The following BRINP3 variants were observed in gnomAD, a reference collection of about 807,000 sequenced individuals.
The protein encoded by BRINP3 is BMP/retinoic acid inducible neural specific 3, also known as BMP/retinoic acid-inducible neural-specific protein 3.
A neutral mutation model predicts 71.0 loss-of-function variants in BRINP3; 19 were observed. The ratio of observed to expected loss-of-function variants is 0.27; its 90% CI spans 0.19 to 0.39. The LOEUF is 0.39. Among genes scored for constraint, BRINP3 ranks in the 10% least tolerant of loss-of-function variants. The pLI is 1.00. For synonymous variants in BRINP3, 380 were observed against 337.7 expected, an observed-to-expected ratio of 1.13 and a Z score of -1.37; for missense variants, 959 against 940.8, an observed-to-expected ratio of 1.02 and a Z score of -0.25.
At chr1:190,440,689 A>G (rs1674758720) in intron 2 of BRINP3, among the ~76,000 whole-genome samples, 1 of 152,036 alleles carries the variant, frequency 6.6e-6, no homozygotes. Context: ...TATAACGTCA[A>G]CTTATCACTC....
rs1672129693 is a variant in BRINP3 at position 190,404,392 on chromosome 1, G to A, written c.236+50263C>T. 2.0e-5 allele frequency among the ~76,000 whole-genome samples: 3 copies of A among 152,002 alleles called. No homozygotes were observed. In the South Asian group the frequency reaches 6.2e-4, roughly 31 times the overall value. Reference sequence around the variant, plus strand: ...TTGTATTGATGGACAAAAAGAACCTGGCCAAAATTATGTAATTATTGTTTC... The same window carrying A: ...TTGTATTGATGGACAAAAAGAACCTAGCCAAAATTATGTAATTATTGTTTC... On this transcript the variant is annotated intron_variant, in intron 2 of 7. Coordinates refer to ENST00000367462, the MANE Select transcript of BRINP3 (RefSeq NM_199051.3).
chr1:190,265,177 A>G, intron 3 of BRINP3, 122 bp from the exon 4 acceptor site: 1 of 821,980 alleles, frequency 1.2e-6, no homozygotes, highest in South Asian at 2.0e-5. Flanking sequence ...ATATGCCAAA[A>G]GGGCAAGGGG....
At chr1:190,192,647 C>T (rs1000067844) in intron 6 of BRINP3, among the ~76,000 whole-genome samples, 1 of 151,624 alleles carries the variant, frequency 6.6e-6, no homozygotes, top group East Asian at 1.9e-4. Context: ...CTATGACCCT[C>T]AAAAACACTG....
chr1:190,250,773 A>C (rs1407498496), intron 4 of BRINP3, among the ~76,000 whole-genome samples: 1 of 152,006 alleles, frequency 6.6e-6, no homozygotes, highest in African/African-American at 2.4e-5. Context: ...GAACCTTAGA[A>C]TGTTCTACAA....
intron 6 of BRINP3, among the ~76,000 whole-genome samples, chr1:190,216,299 T>A (rs1394807747): frequency 1.3e-5 from 2 of 151,762 alleles, no homozygotes; most frequent in Non-Finnish European, 3.0e-5. Context: ...TTTATGTGGT[T>A]ACTACTATTG....
chr1:190,200,381 A>T (rs1044250703), intron 6 of BRINP3, among the ~76,000 whole-genome samples: 1 of 152,150 alleles, frequency 6.6e-6, no homozygotes, highest in Non-Finnish European at 1.5e-5. Context: ...TAGAACATAT[A>T]GAACATGAAC....
In BRINP3 at chr1:190,297,779, C is replaced by CGTGTGTGTGTGT. The variant is rs58341057; in HGVS notation, c.237-16041_237-16030dup. Among the ~76,000 whole-genome samples the CGTGTGTGTGTGT allele has an allele frequency of 1.4e-4, 20 of 146,732 alleles. No individual in the cohort carries two copies. In the East Asian group the frequency reaches 1.6e-3, roughly 12 times the overall value. ...TATATGTAGCTGAATTCTGTTTTCT[C>CGTGTGTGTGTGT]GTGTGTGTGTGTGTGTGTGTGTGTG... On this transcript the variant is annotated intron_variant, in intron 2 of 7. Transcript: ENST00000367462.
At chr1:190,269,666 CATAGCATGAG>C (rs1429013997) in intron 3 of BRINP3, among the ~76,000 whole-genome samples, 1 of 151,956 alleles carries the variant, frequency 6.6e-6, no homozygotes, top group South Asian at 2.1e-4. Context: ...CAATCTAAGT[CATAGCATGAG>C]AAATACAAAT....
rs139664857 is a variant in BRINP3, at chr1:190,293,511, G to A, written c.237-11761C>T. On this transcript the variant is annotated intron_variant, in intron 2 of 7. Transcript: ENST00000367462. ...TATTCTGCAGCAGTTTGAGTGAAAT[G>A]TTCTGGAAATGTCAGCTTGATCCAT... Among the ~76,000 whole-genome samples the A allele has an allele frequency of 1.9e-4, 29 of 151,640 alleles. No homozygotes were observed. The Middle Eastern group carries it at 0.014, about 71-fold the overall frequency.
In BRINP3 at chr1:190,098,754, T is replaced by C. The variant is rs151310067; in HGVS notation, c.1565A>G (p.Asn522Ser). The change falls in exon 8 of 8, where the codon AAT (asparagine) becomes AGT (serine). Residue 522 changes from asparagine (N) to serine (S), a missense_variant. Physicochemically the swap from Asn to Ser is conservative, Grantham distance 46. Transcript: ENST00000367462. ...ACGCCAGGAGGGATCAAACCAGCTA[T>C]TGAGGCGCATGTCATTGCTGATAAA... ...AIFISNDMRL[N>S]SWFDPSWRKR... The C allele has an allele frequency of 9.5e-5, 154 of 1,614,084 alleles. No individual in the cohort carries two copies. Among genetic ancestry groups the C allele is most frequent in the Non-Finnish European group, 1.2e-4 (139 of 1,180,040 alleles).
At chr1:190,133,483 G>A (rs978656029) in intron 7 of BRINP3, among the ~76,000 whole-genome samples, 2 of 151,966 alleles carry the variant, frequency 1.3e-5, no homozygotes, top group African/African-American at 4.8e-5. Flanking sequence ...AGAGTGGGAG[G>A]TGTTATAGAT....
intron 3 of BRINP3, among the ~76,000 whole-genome samples, chr1:190,275,274 A>G (rs746248202): frequency 6.6e-6 from 1 of 151,612 alleles, no homozygotes; most frequent in Non-Finnish European, 1.5e-5. Flanking sequence ...TGGTATGTAT[A>G]GTTACAAACT....
At chr1:190,396,221 A>G (rs1167312950) in intron 2 of BRINP3, among the ~76,000 whole-genome samples, 1 of 151,964 alleles carries the variant, frequency 6.6e-6, no homozygotes, top group Non-Finnish European at 1.5e-5. Context: ...TGAAATCCAC[A>G]GGCAACTTCA....
chr1:190,190,128 C>A (rs527854222), intron 6 of BRINP3, among the ~76,000 whole-genome samples: 1 of 152,200 alleles, frequency 6.6e-6, no homozygotes, highest in East Asian at 1.9e-4. Context: ...AGCCTTCATC[C>A]TGGGATTATT....
intron 6 of BRINP3, among the ~76,000 whole-genome samples, chr1:190,203,998 T>A (rs2102623968): frequency 6.6e-6 from 1 of 151,384 alleles, no homozygotes; most frequent in East Asian, 2.0e-4. Context: ...TATTTACAGT[T>A]GTAAATTTCA....
rs139134184 is a variant in BRINP3, at chr1:190,311,291, A to G, written c.237-29541T>C. ...TGAAAACTGACAATGATTTTTATAT[A>G]TGAGAAATATGAGGAAAGCATCCAA... On this transcript the variant is annotated intron_variant, in intron 2 of 7. Transcript: ENST00000367462. Among the ~76,000 whole-genome samples the G allele has an allele frequency of 3.9e-4, 59 of 151,808 alleles. 1 individual carries two copies. In the East Asian group the frequency reaches 0.011, roughly 28 times the overall value.
rs544022676 is a variant in BRINP3 at position 190,274,201 on chromosome 1, T to A, written c.427+7359A>T. Among the ~76,000 whole-genome samples, 3 of 151,636 alleles carry A rather than the reference T, an allele frequency of 2.0e-5. No individual in the cohort carries two copies. The Admixed American group carries it at 2.0e-4, about 10-fold the overall frequency. On this transcript the variant is annotated intron_variant, in intron 3 of 7. Coordinates refer to ENST00000367462, the MANE Select transcript of BRINP3 (RefSeq NM_199051.3). ...GGTACCCACAGAAACCAACATATAA[T>A]ATTGGTCAGAAGCAACAATTATTGT...
intron 3 of BRINP3, among the ~76,000 whole-genome samples, chr1:190,274,343 C>T (rs1558133803): frequency 6.6e-6 from 1 of 151,170 alleles, no homozygotes; most frequent in Non-Finnish European, 1.5e-5. Context: ...GTCCATTGTC[C>T]TATAATGTTT....
At chr1:190,433,939 C>T (rs1040658342) in intron 2 of BRINP3, among the ~76,000 whole-genome samples, 2 of 152,016 alleles carry the variant, frequency 1.3e-5, no homozygotes, top group Non-Finnish European at 2.9e-5. Flanking sequence ...ACAGAAAGTT[C>T]TCTATTATCC....
Sources: allele counts gnomAD v4.1 joint callset (sites outside exome capture counted in the v4.1 genomes callset), GRCh38; gene constraint gnomAD v4.1.1; transcripts MANE v1.5; gene names NCBI Gene and HGNC (gene_info 2026-07-23, HGNC 2026-07-21).